Variants in CD8B observed in about 807,000 individuals in gnomAD.
The protein encoded by CD8B is T-cell surface glycoprotein CD8 beta chain.
CD8B carries 6 observed loss-of-function variants against 24.2 expected under a neutral mutation model. The observed-to-expected ratio is 0.25, with a 90% CI of 0.14 to 0.49. The LOEUF is 0.49. CD8B is among the 20% of genes least tolerant of loss of function. The pLI is 0.98. For synonymous variants in CD8B, 84 were observed against 108.3 expected (o/e 0.78, Z 1.39); for missense variants, 196 against 271.3 (o/e 0.72, Z 1.95).
At chr2:86,831,221 A>G (rs1674894311) in intron 5 of CD8B, among the ~76,000 whole-genome samples, 1 of 152,188 alleles carries the variant, frequency 6.6e-6, no homozygotes, top group Admixed American at 6.5e-5. Flanking sequence ...GGCACCTGCC[A>G]TCATGCCCGG....
chr2:86,846,616 GA>G (rs1675688143), intron 4 of CD8B, 67 bp downstream of exon 4: 1 of 715,770 alleles, frequency 1.4e-6, no homozygotes, highest in African/African-American at 1.9e-5. Context: ...CCCTAGAGAA[GA>G]AAATATCCCA....
chr2:86,822,374 T>A, intron 5 of CD8B: 1 of 1,569,708 alleles, frequency 6.4e-7, no homozygotes, highest in Non-Finnish European at 8.8e-7. Context: ...GTAATCTTAG[T>A]CTTGGCACAA....
At chr2:86,829,743 G>A (rs1344330798) in intron 5 of CD8B, among the ~76,000 whole-genome samples, 2 of 152,080 alleles carry the variant, frequency 1.3e-5, no homozygotes, top group Non-Finnish European at 2.9e-5. Context: ...TTGTCCCTCT[G>A]GCAATGTATT....
chr2:86,829,136 G>T (rs1425632684), intron 5 of CD8B, among the ~76,000 whole-genome samples: 2 of 112,626 alleles, frequency 1.8e-5, no homozygotes, highest in Admixed American at 2.8e-4. Context: ...GTCTTGCTCT[G>T]TTGCCCAGGC....
At chr2:86,847,180 G>T (rs577305290) in intron 3 of CD8B, among the ~76,000 whole-genome samples, 1 of 151,474 alleles carries the variant, frequency 6.6e-6, no homozygotes, top group African/African-American at 2.4e-5. Context: ...CAAGCAATCC[G>T]CCCACCTTGG....
chr2:86,815,564 T>TA lies in CD8B; in HGVS notation c.*42dup, dbSNP rs759997422. On this transcript the variant is annotated 3_prime_UTR_variant, in exon 6 of 6. Transcript: ENST00000331469. ...CCCTCTGAGCGAGGGAGGAATCTGG[T>TA]AAAAGTAGTAAAGATCCACTCATCA... 1.0e-4 allele frequency: 120 copies of TA among 1,179,410 alleles called. 2 individuals carry two copies. In the South Asian group the frequency reaches 1.4e-3, roughly 14 times the overall value. The allele number at this position is 1,179,410 out of a possible 1,614,324, so 73.1% of individuals were successfully genotyped here.
intron 3 of CD8B, among the ~76,000 whole-genome samples, chr2:86,847,475 C>T (rs986331181): frequency 9.9e-5 from 15 of 152,162 alleles, no homozygotes; most frequent in African/African-American, 3.6e-4. Flanking sequence ...CAGAATTAAT[C>T]ACCACTGATA....
intron 2 of CD8B, among the ~76,000 whole-genome samples, chr2:86,853,527 G>T: frequency 6.6e-6 from 1 of 151,878 alleles, no homozygotes; most frequent in Non-Finnish European, 1.5e-5. Flanking sequence ...GCTGCTACAG[G>T]GCTTGAAGGT....
chr2:86,826,506 G>A (rs1206227084), intron 5 of CD8B, among the ~76,000 whole-genome samples: 2 of 152,278 alleles, frequency 1.3e-5, no homozygotes, highest in South Asian at 2.1e-4. Flanking sequence ...GGGAGAGGCG[G>A]TGACCCAGGA....
intron 3 of CD8B, among the ~76,000 whole-genome samples, chr2:86,850,641 C>T (rs1036621187): frequency 3.7e-4 from 56 of 152,118 alleles, no homozygotes; most frequent in Non-Finnish European, 7.2e-4. Context: ...TGACCCAGGG[C>T]CACTCTCCTC....
chr2:86,817,881 A>G lies in CD8B; in HGVS notation c.621-2163T>C, dbSNP rs376930852. 8.5e-5 allele frequency among the ~76,000 whole-genome samples: 13 copies of G among 152,320 alleles called. No individual in the cohort carries two copies. In the East Asian group the frequency reaches 1.7e-3, roughly 20 times the overall value. Reference sequence around the variant, plus strand: ...GTTTTCTTTATATTTGGCATAATTCATAATTCATGGGAGGAGGTAATTACA... The same window carrying G: ...GTTTTCTTTATATTTGGCATAATTCGTAATTCATGGGAGGAGGTAATTACA... On this transcript the variant is annotated intron_variant, in intron 5 of 5. Coordinates refer to the CD8B transcript ENST00000331469.
At chr2:86,846,930 T>C (rs1573515463) in intron 3 of CD8B, among the ~76,000 whole-genome samples, 157 bp from the exon 4 acceptor site, 2 of 119,052 alleles carry the variant, frequency 1.7e-5, no homozygotes, top group African/African-American at 3.5e-5. Flanking sequence ...CTCAAGTATT[T>C]TTTTTTTTTT....
In CD8B at chr2:86,842,175, G is replaced by C. The variant is rs1458145667; in HGVS notation, c.*132C>G. The C allele has an allele frequency of 2.7e-6, 4 of 1,490,882 alleles. No homozygotes were observed. Among genetic ancestry groups the C allele is most frequent in the Non-Finnish European group, 3.6e-6 (4 of 1,120,898 alleles). 92.4% of individuals were successfully genotyped at this position (1,490,882 alleles called of 1,614,324 possible). ...TCACACACAGAAAGGCCTTGCAGCA[G>C]TGAAAAGCAGGCAGCTTCAGCAGCC... is the stretch of plus-strand genomic sequence containing the variant. On this transcript the variant is annotated 3_prime_UTR_variant, in exon 6 of 6. Coordinates refer to ENST00000390655, the MANE Select transcript of CD8B (RefSeq NM_004931.5).
chr2:86,848,509 G>A (rs565915036), intron 3 of CD8B, among the ~76,000 whole-genome samples: 15 of 152,048 alleles, frequency 9.9e-5, no homozygotes, highest in Non-Finnish European at 1.8e-4. Flanking sequence ...CTGGTCCCTT[G>A]AGTAGCTGAG....
chr2:86,827,248 T>C (rs1216988301), intron 5 of CD8B, among the ~76,000 whole-genome samples: 1 of 143,674 alleles, frequency 7.0e-6, no homozygotes, highest in African/African-American at 2.6e-5. Flanking sequence ...TCTTTTGAGT[T>C]AAAAAAAAAA....
chr2:86,842,689 A>G (rs916566327), intron 5 of CD8B, among the ~76,000 whole-genome samples: 4 of 152,190 alleles, frequency 2.6e-5, no homozygotes, highest in Non-Finnish European at 5.9e-5. Context: ...TCAAATCGCA[A>G]CTCAGATCTG....
intron 2 of CD8B, among the ~76,000 whole-genome samples, chr2:86,856,420 C>T (rs547769398): frequency 6.6e-5 from 10 of 152,306 alleles, no homozygotes; most frequent in Admixed American, 2.0e-4. Flanking sequence ...TTTTTCAATA[C>T]GAAAATCAGT....
At chr2:86,845,478 T>C (rs1377228046) in intron 4 of CD8B, among the ~76,000 whole-genome samples, 1 of 152,196 alleles carries the variant, frequency 6.6e-6, no homozygotes, top group East Asian at 1.9e-4. Context: ...TTTATTTTTT[T>C]AGGAATGGGG....
At chr2:86,826,820 T>C (rs4832050) in intron 5 of CD8B, among the ~76,000 whole-genome samples, 38,289 of 147,380 alleles carry the variant, frequency 0.26, 5,423 homozygotes, top group Non-Finnish European at 0.33. Flanking sequence ...ACTGTGAATT[T>C]CTTGTTTTTT....
Sources: allele counts gnomAD v4.1 joint callset (sites outside exome capture counted in the v4.1 genomes callset), GRCh38; gene constraint gnomAD v4.1.1; transcripts MANE v1.5; gene names NCBI Gene and HGNC (gene_info 2026-07-23, HGNC 2026-07-21).